Variants in SIGLECL1 observed in about 807,000 individuals in gnomAD.
SIGLECL1 encodes the protein SIGLEC family like 1.
Under a neutral mutation model 19.1 loss-of-function variants are expected in SIGLECL1, and 16 were observed. That is an observed-to-expected ratio of 0.84 (90% CI 0.57 to 1.27). SIGLECL1 has a LOEUF of 1.27. Ranked by LOEUF, SIGLECL1 falls within the 50% of genes most tolerant of loss-of-function variation. The probability of loss-of-function intolerance (pLI) is 0.00; values close to 1 mark genes in which losing one functional copy is unlikely to be tolerated. For synonymous variants in SIGLECL1, 89 were observed against 90.4 expected (o/e 0.98, Z 0.09); for missense variants, 210 against 239.4 (o/e 0.88, Z 0.81).
chr19:51,259,365 C>T (rs1983043243), intron 1 of SIGLECL1, among the ~76,000 whole-genome samples: 1 of 152,168 alleles, frequency 6.6e-6, no homozygotes, highest in African/African-American at 2.4e-5. Context: ...AAACAGAAGG[C>T]ATGTAAATCT....
rs773231723 is a variant in SIGLECL1 at position 51,265,845 on chromosome 19, G to A, written c.373G>A (p.Val125Ile). 1 of 1,614,162 alleles carries A rather than the reference G, an allele frequency of 6.2e-7. No individual in the cohort carries two copies. Among genetic ancestry groups the A allele is most frequent in the Non-Finnish European group, 8.5e-7 (1 of 1,180,024 alleles). Residue 125 changes from valine (V) to isoleucine (I), a missense_variant, in exon 4 of 6, where the codon GTA becomes ATA. Transcript: ENST00000601727. Reference sequence around the variant, plus strand: ...CCAGGGTGCTATCTATGCGGGAATTGTAATTGCGCTGCTCTTCCTCTGCCT... The same window carrying A: ...CCAGGGTGCTATCTATGCGGGAATTATAATTGCGCTGCTCTTCCTCTGCCT... ...LIQGAIYAGI[V>I]IALLFLCLLP...
At position 51,260,422 on chromosome 19, in the gene SIGLECL1, T is replaced by A. The variant is rs142653154; in HGVS notation, c.-190-3461T>A. On this transcript the variant is annotated intron_variant, in intron 1 of 5. Coordinates refer to ENST00000601727, the MANE Select transcript of SIGLECL1 (RefSeq NM_001385465.1). The stretch of plus-strand genomic sequence containing the variant: ...TAAGAATGGTCCATGTTGTTGCATC[T>A]AGCATTAGCTCATAGGTTTTTGTTG... 3.4e-4 allele frequency among the ~76,000 whole-genome samples: 52 copies of A among 152,374 alleles called. No homozygotes were observed. The East Asian group carries it at 9.8e-3, about 29-fold the overall frequency.
intron 1 of SIGLECL1, among the ~76,000 whole-genome samples, chr19:51,262,808 C>A (rs574961318): frequency 6.6e-6 from 1 of 152,204 alleles, no homozygotes; most frequent in Non-Finnish European, 1.5e-5. Context: ...ATTTTTCTAA[C>A]CATATAGCCT....
intron 1 of SIGLECL1, among the ~76,000 whole-genome samples, chr19:51,262,217 C>T (rs2123429539): frequency 6.6e-6 from 1 of 152,266 alleles, no homozygotes; most frequent in South Asian, 2.1e-4. Context: ...TTACCTAAAA[C>T]TTACCAAGAT....
At chr19:51,256,497 G>T (rs1982819488) in intron 1 of SIGLECL1, among the ~76,000 whole-genome samples, 1 of 152,204 alleles carries the variant, frequency 6.6e-6, no homozygotes, top group Non-Finnish European at 1.5e-5. Flanking sequence ...GTATAGAATG[G>T]TGGTTGCCAG....
Position 51,263,977 on chromosome 19 carries a change from C to T in SIGLECL1, c.-96C>T, listed in dbSNP as rs1983440081. ...ATCCCCACATCCTCTTTCAGTTACGCATCACCTCACTCCTTCTGAACCATA... is the reference window on the plus strand; with the variant it reads ...ATCCCCACATCCTCTTTCAGTTACGTATCACCTCACTCCTTCTGAACCATA... On this transcript the variant is annotated 5_prime_UTR_variant, in exon 2 of 6. Coordinates refer to ENST00000601727, the MANE Select transcript of SIGLECL1 (RefSeq NM_001385465.1). The T allele has an allele frequency of 2.0e-6, 3 of 1,464,952 alleles. No homozygotes were observed. The Admixed American group carries it at 5.4e-5, about 26-fold the overall frequency. The allele number at this position is 1,464,952 out of a possible 1,614,324, so 90.7% of individuals were successfully genotyped here.
At chr19:51,255,721 C>G (rs1982761420) in intron 1 of SIGLECL1, among the ~76,000 whole-genome samples, 1 of 152,084 alleles carries the variant, frequency 6.6e-6, no homozygotes, top group African/African-American at 2.4e-5. Context: ...CAGAGAAATG[C>G]AAATTCAAAC....
intron 1 of SIGLECL1, among the ~76,000 whole-genome samples, chr19:51,259,942 G>C (rs1426640879): frequency 6.6e-6 from 1 of 152,200 alleles, no homozygotes; most frequent in East Asian, 1.9e-4. Flanking sequence ...ATAACATCCT[G>C]TTTGGAAGAC....
intron 1 of SIGLECL1, chr19:51,256,011 A>G (rs1419771490): frequency 6.6e-6 from 1 of 152,200 alleles, no homozygotes; most frequent in Admixed American, 6.5e-5. Context: ...ATTATTCACC[A>G]TAGCCCACAC....
At chr19:51,266,610 T>C (rs1293597217) in intron 4 of SIGLECL1, among the ~76,000 whole-genome samples, 2 of 151,984 alleles carry the variant, frequency 1.3e-5, no homozygotes, top group Non-Finnish European at 2.9e-5. Flanking sequence ...CCCAGAGGCA[T>C]GTTTGAGGCA....
chr19:51,264,731 G>A (rs922422270), intron 2 of SIGLECL1, among the ~76,000 whole-genome samples: 1 of 152,154 alleles, frequency 6.6e-6, no homozygotes, highest in African/African-American at 2.4e-5. Context: ...GCAATTTCCA[G>A]CATTCTTACA....
chr19:51,247,885 G>A (rs1022990653), upstream of SIGLECL1, among the ~76,000 whole-genome samples: 5 of 152,138 alleles, frequency 3.3e-5, no homozygotes, highest in Non-Finnish European at 7.4e-5. Context: ...GAATTCCTTT[G>A]TTATCACATT....
chr19:51,268,633 TATCC>T lies in SIGLECL1; in HGVS notation c.*37_*40del. The T allele has an allele frequency of 1.2e-6, 2 of 1,606,736 alleles. No homozygotes were observed. The highest frequency in any genetic ancestry group is 2.2e-5 in the South Asian group (2 of 89,848). On this transcript the variant is annotated 3_prime_UTR_variant, in exon 6 of 6. Coordinates refer to ENST00000601727, the MANE Select transcript of SIGLECL1 (RefSeq NM_001385465.1). ...CATGCCTCATACCTGGAGTCGCCAT[TATCC>T]CTGGAATTACAAAGATCTGCAAAAT...
At chr19:51,249,007 T>C (rs2123362871), upstream of SIGLECL1, among the ~76,000 whole-genome samples, 1 of 152,184 alleles carries the variant, frequency 6.6e-6, no homozygotes, top group Non-Finnish European at 1.5e-5. Context: ...CTCAAGTTCA[T>C]GGGGTAATGT....
chr19:51,249,743 C>A (rs959451613), upstream of SIGLECL1, among the ~76,000 whole-genome samples: 1 of 152,068 alleles, frequency 6.6e-6, no homozygotes, highest in African/African-American at 2.4e-5. Context: ...TGATCCAGAC[C>A]CCAAGAGAGG....
At chr19:51,266,184 C>A (rs1983655792) in intron 4 of SIGLECL1, among the ~76,000 whole-genome samples, 1 of 152,126 alleles carries the variant, frequency 6.6e-6, no homozygotes, top group Non-Finnish European at 1.5e-5. Flanking sequence ...GGTGGGCCTG[C>A]AAGGGTTCAG....
intron 1 of SIGLECL1, among the ~76,000 whole-genome samples, chr19:51,252,234 T>A (rs548049312): frequency 1.7e-3 from 261 of 151,608 alleles, no homozygotes; most frequent in African/African-American, 6.0e-3. Context: ...TAGGCAGAGG[T>A]TGCAGTGAGC....
At chr19:51,261,735 C>T (rs879355531) in intron 1 of SIGLECL1, among the ~76,000 whole-genome samples, 2 of 152,184 alleles carry the variant, frequency 1.3e-5, no homozygotes, top group Non-Finnish European at 2.9e-5. Context: ...AGTTAAATCA[C>T]TGATGTATTG....
chr19:51,258,601 CT>C (rs1258430324), intron 1 of SIGLECL1, among the ~76,000 whole-genome samples: 4 of 152,182 alleles, frequency 2.6e-5, no homozygotes, highest in Non-Finnish European at 5.9e-5. Flanking sequence ...CTGGCCCAAT[CT>C]TGGGCTCTGG....
Sources: gnomAD v4.1 joint callset for allele counts (sites outside exome capture counted in the v4.1 genomes callset) on GRCh38, gnomAD v4.1.1 for gene constraint, MANE v1.5 for transcripts, NCBI Gene and HGNC (gene_info 2026-07-23, HGNC 2026-07-21) for gene names.